Variants in PRKCB observed in about 807,000 individuals in gnomAD.
The protein encoded by PRKCB is protein kinase C beta type.
Under a neutral mutation model 81.5 loss-of-function variants are expected in PRKCB, and 13 were observed. That is an observed-to-expected ratio of 0.16 (90% CI 0.10 to 0.25). The LOEUF (loss-of-function observed/expected upper bound fraction) is 0.25, where lower values mean the gene tolerates loss of function less well. Ranked by LOEUF, PRKCB falls within the 10% of genes least tolerant of loss-of-function variation. The pLI is 1.00. For missense variants in PRKCB, 509 were observed against 875.7 expected (o/e 0.58, Z 5.29); for synonymous variants, 335 against 321.4 (o/e 1.04, Z -0.45).
intron 9 of PRKCB, among the ~76,000 whole-genome samples, chr16:24,139,463 C>T (rs1399482071): frequency 6.6e-6 from 1 of 152,192 alleles, no homozygotes; most frequent in Non-Finnish European, 1.5e-5. Flanking sequence ...TCCACTCCTC[C>T]CCTTTCTAGC....
intron 5 of PRKCB, among the ~76,000 whole-genome samples, chr16:24,048,124 T>G (rs2141867441): frequency 6.6e-6 from 1 of 152,292 alleles, no homozygotes; most frequent in South Asian, 2.1e-4. Context: ...GCTTTACCAC[T>G]ACCAACAAAA....
At chr16:24,162,441 A>ATTTTTTTTTTTTTTTTTTTT (rs1567397400) in intron 10 of PRKCB, among the ~76,000 whole-genome samples, 1 of 119,802 alleles carries the variant, frequency 8.3e-6, no homozygotes, top group Non-Finnish European at 1.7e-5. Context: ...AACAGAGAAG[A>ATTTTTTTTTTTTTTTTTTTT]CTTTTTTTTT....
chr16:24,127,536 A>G (rs543621918), intron 9 of PRKCB, among the ~76,000 whole-genome samples: 6 of 152,274 alleles, frequency 3.9e-5, no homozygotes, highest in African/African-American at 1.4e-4. Context: ...AAGTTCATGT[A>G]CTACGCCTGT....
At chr16:24,127,452 A>G (rs941682181) in intron 9 of PRKCB, among the ~76,000 whole-genome samples, 8 of 152,132 alleles carry the variant, frequency 5.3e-5, no homozygotes, top group Admixed American at 3.9e-4. Context: ...GAACACTTTT[A>G]TTCAGTTAAT....
chr16:24,001,781 C>T (rs1965037444), intron 3 of PRKCB, among the ~76,000 whole-genome samples: 2 of 152,134 alleles, frequency 1.3e-5, no homozygotes, highest in Non-Finnish European at 2.9e-5. Flanking sequence ...AGAAATAAAC[C>T]TTTACAATTT....
intron 5 of PRKCB, among the ~76,000 whole-genome samples, chr16:24,058,779 G>T (rs1320074557): frequency 6.6e-6 from 1 of 152,176 alleles, no homozygotes; most frequent in African/African-American, 2.4e-5. Context: ...TAGGGATTTG[G>T]TGAGCCATTG....
chr16:23,877,960 A>G (rs1001493576), intron 2 of PRKCB, among the ~76,000 whole-genome samples: 11 of 151,870 alleles, frequency 7.2e-5, no homozygotes, highest in African/African-American at 2.7e-4. Flanking sequence ...CAGCCTCCTG[A>G]GTAGTTGGGA....
intron 2 of PRKCB, among the ~76,000 whole-genome samples, chr16:23,850,923 TGA>T (rs1466002394): frequency 3.3e-5 from 5 of 152,362 alleles, no homozygotes; most frequent in Middle Eastern, 6.8e-3. Flanking sequence ...TGTCTTCTTT[TGA>T]GTAATTTCTG....
At chr16:24,169,622 G>T (rs1449258119) in intron 10 of PRKCB, among the ~76,000 whole-genome samples, 1 of 152,022 alleles carries the variant, frequency 6.6e-6, no homozygotes, top group Non-Finnish European at 1.5e-5. Flanking sequence ...CTTTGCTGAA[G>T]GATCGCCTTC....
At chr16:23,984,975 A>C (rs558850866) in intron 2 of PRKCB, among the ~76,000 whole-genome samples, 1 of 152,224 alleles carries the variant, frequency 6.6e-6, no homozygotes, top group African/African-American at 2.4e-5. Flanking sequence ...ACGGTTTTCT[A>C]TCTGGAAAAC....
chr16:23,979,288 A>G (rs577240199), intron 2 of PRKCB, among the ~76,000 whole-genome samples: 73 of 152,324 alleles, frequency 4.8e-4, no homozygotes, highest in African/African-American at 1.8e-3. Flanking sequence ...TAGAGCTTGT[A>G]CCATGAATCC....
At chr16:23,857,656 A>G (rs371793849) in intron 2 of PRKCB, among the ~76,000 whole-genome samples, 73 of 152,188 alleles carry the variant, frequency 4.8e-4, no homozygotes, top group African/African-American at 1.6e-3. Flanking sequence ...GTCAAGTCCA[A>G]GAAAAAAATG....
In PRKCB at chr16:24,094,349, C is replaced by T. The variant is rs760228766; in HGVS notation, c.821+52C>T. On this transcript the variant is annotated intron_variant, in intron 7 of 16. Transcript: ENST00000643927. ...ACCATACAGCTTGCTCCATCAAACG[C>T]GGGGTCAAGTATGTTTTCCTTTTTC... The T allele has an allele frequency of 5.9e-5, 94 of 1,586,050 alleles. No homozygotes were observed. In the South Asian group the frequency reaches 6.8e-4, roughly 12 times the overall value.
chr16:24,006,458 G>A (rs1019980636), intron 3 of PRKCB, among the ~76,000 whole-genome samples: 1 of 152,226 alleles, frequency 6.6e-6, no homozygotes, highest in Non-Finnish European at 1.5e-5. Context: ...CAATTGCCAG[G>A]CATGCTGTAG....
chr16:24,185,827 C>G (rs746858660), intron 15 of PRKCB, among the ~76,000 whole-genome samples: 11 of 152,172 alleles, frequency 7.2e-5, no homozygotes, highest in Non-Finnish European at 1.3e-4. Flanking sequence ...TGAACCAGCA[C>G]AGGGGAATGC....
chr16:23,859,705 G>C (rs755227972), intron 2 of PRKCB, among the ~76,000 whole-genome samples: 1 of 152,038 alleles, frequency 6.6e-6, no homozygotes, highest in Non-Finnish European at 1.5e-5. Flanking sequence ...GAAGACACTT[G>C]GCAGGAAGAA....
chr16:24,171,888 C>T (rs2141965767), intron 10 of PRKCB, among the ~76,000 whole-genome samples: 1 of 152,196 alleles, frequency 6.6e-6, no homozygotes, highest in East Asian at 1.9e-4. Context: ...TGCCTGCCAC[C>T]ACGATTCGCT....
intron 3 of PRKCB, among the ~76,000 whole-genome samples, chr16:23,995,265 C>T (rs2141826454): frequency 6.6e-6 from 1 of 152,270 alleles, no homozygotes; most frequent in East Asian, 1.9e-4. Context: ...GCCCCAAGAG[C>T]TTCTGGTTTT....
chr16:23,918,132 T>C (rs1364065112), intron 2 of PRKCB, among the ~76,000 whole-genome samples: 1 of 151,960 alleles, frequency 6.6e-6, no homozygotes, highest in East Asian at 1.9e-4. Flanking sequence ...AGGGGCAGTT[T>C]GACTTGGGGA....
Sources: allele counts gnomAD v4.1 joint callset (sites outside exome capture counted in the v4.1 genomes callset), GRCh38; gene constraint gnomAD v4.1.1; transcripts MANE v1.5; gene names NCBI Gene and HGNC (gene_info 2026-07-23, HGNC 2026-07-21).